Variants in TOX4 observed in about 807,000 individuals in gnomAD.
TOX4 encodes epidermal Langerhans cell protein LCP1.
In TOX4, 12 loss-of-function variants were observed where a neutral mutation model predicts 61.0. The observed-to-expected ratio is 0.20, with a 90% CI of 0.13 to 0.32. TOX4 has a LOEUF of 0.32. Among genes scored for constraint, TOX4 ranks in the 10% least tolerant of loss-of-function variants. The pLI is 1.00. For synonymous variants in TOX4, 268 were observed against 274.8 expected (o/e 0.98, Z 0.24); for missense variants, 499 against 753.3 (o/e 0.66, Z 3.95).
chr14:21,495,438 C>T (rs1300648077), intron 8 of TOX4, 46 bp downstream of exon 8: 7 of 1,573,676 alleles, frequency 4.4e-6, no homozygotes, highest in Non-Finnish European at 6.1e-6. Flanking sequence ...CTGGTCAATT[C>T]TACTGGGAAA....
chr14:21,481,791 T>A (rs10141933), intron 2 of TOX4, among the ~76,000 whole-genome samples: 139,719 of 152,232 alleles, frequency 0.92, 64,230 homozygotes, highest in Middle Eastern at 0.95. Flanking sequence ...TAAACAATAT[T>A]TTGTTGAGTA....
Position 21,496,750 on chromosome 14 carries a change from G to T in TOX4, c.*144G>T. On this transcript the variant is annotated 3_prime_UTR_variant, in exon 9 of 9. Transcript: ENST00000448790. ...ATGTTTCACCCCTTTTCTTCCTTCAGCAGAGGCCAGGCTATGGAGCAGGGC... is the reference window on the plus strand; with the variant it reads ...ATGTTTCACCCCTTTTCTTCCTTCATCAGAGGCCAGGCTATGGAGCAGGGC... 2 of 681,110 alleles carry T rather than the reference G, an allele frequency of 2.9e-6. No homozygotes were observed. 42.2% of individuals were successfully genotyped at this position (681,110 alleles called of 1,614,324 possible).
intron 2 of TOX4, 36 bp downstream of exon 2, chr14:21,477,600 C>A (rs1262881498): frequency 1.2e-6 from 2 of 1,610,834 alleles, no homozygotes; most frequent in Non-Finnish European, 1.7e-6. Flanking sequence ...GGGGTAGGGC[C>A]TGAGGCAGCG....
rs750578077 is a variant in TOX4, at chr14:21,493,226, T to C, written c.1610T>C (p.Ile537Thr). The C allele has an allele frequency of 3.8e-5, 61 of 1,613,090 alleles. No individual in the cohort carries two copies. The highest frequency in any genetic ancestry group is 5.2e-5 in the Non-Finnish European group (61 of 1,179,692). Residue 537 changes from isoleucine to threonine, a missense_variant, in exon 7 of 9, where the codon ATC becomes ACC. This residue lies in a region of TOX4 where 296 missense variants were observed against 404.7 expected (regional missense o/e 0.73). Transcript: ENST00000448790. ...GTGGAGGCACCTTCTCCTGAGACTA[T>C]CTGTGAGATGATCACAGATGTAGTT... The part of the protein sequence containing the change: ...HTVEAPSPET[I>T]CEMITDVVPE...
Position 21,477,277 on chromosome 14 carries a change from A to G in TOX4, c.-2A>G. 6.2e-7 allele frequency: 1 copy of G among 1,614,040 alleles called. No homozygotes were observed. The highest frequency in any genetic ancestry group is 8.5e-7 in the Non-Finnish European group (1 of 1,179,968). On this transcript the variant is annotated 5_prime_UTR_variant, in exon 1 of 9. Transcript: ENST00000448790. ...TGAGACGGTGGGAGCGGTTGTGTGA[A>G]GATGGAGGTAGGAACCTGATAGCTA...
At chr14:21,481,279 A>G (rs774729495) in intron 2 of TOX4, among the ~76,000 whole-genome samples, 1 of 152,040 alleles carries the variant, frequency 6.6e-6, no homozygotes, top group Non-Finnish European at 1.5e-5. Flanking sequence ...CTCACGTTCA[A>G]GCAACTCTCG....
At chr14:21,478,516 A>G (rs1254343569) in intron 2 of TOX4, among the ~76,000 whole-genome samples, 1 of 152,232 alleles carries the variant, frequency 6.6e-6, no homozygotes, top group South Asian at 2.1e-4. Flanking sequence ...GTTCGTTAAA[A>G]AAGTTTGGTT....
chr14:21,489,700 T>A (rs1473650358), intron 5 of TOX4, among the ~76,000 whole-genome samples: 1 of 151,942 alleles, frequency 6.6e-6, no homozygotes, highest in Admixed American at 6.5e-5. Context: ...TGCTTCAGCC[T>A]CCCGAGTAGC....
At chr14:21,482,088 G>A (rs1891116365) in intron 2 of TOX4, among the ~76,000 whole-genome samples, 1 of 152,168 alleles carries the variant, frequency 6.6e-6, no homozygotes, top group Non-Finnish European at 1.5e-5. Context: ...CAAAAGAGTA[G>A]CAGTCCAGAG....
At chr14:21,484,413 A>G (rs1891164110) in intron 2 of TOX4, among the ~76,000 whole-genome samples, 1 of 124,304 alleles carries the variant, frequency 8.0e-6, no homozygotes, top group African/African-American at 3.1e-5. Context: ...CAGTGGCACA[A>G]TCTCGGCTCA....
rs761737611 is a variant in TOX4 at position 21,496,635 on chromosome 14, G to A, written c.*29G>A. On this transcript the variant is annotated 3_prime_UTR_variant, in exon 9 of 9. Transcript: ENST00000448790. ...TTCCTGTTCTCCAAGCCAGTGAAGAGTTATCTGCTGGGAAAGTGTCCAAGA... is the reference window on the plus strand; with the variant it reads ...TTCCTGTTCTCCAAGCCAGTGAAGAATTATCTGCTGGGAAAGTGTCCAAGA... 6 of 1,597,216 alleles carry A rather than the reference G, an allele frequency of 3.8e-6. No individual in the cohort carries two copies. The highest frequency in any genetic ancestry group is 5.1e-6 in the Non-Finnish European group (6 of 1,166,946).
chr14:21,493,339 T>C lies in TOX4; in HGVS notation c.1641+82T>C, dbSNP rs1891335185. On this transcript the variant is annotated intron_variant, in intron 7 of 8. Coordinates refer to ENST00000448790, the MANE Select transcript of TOX4 (RefSeq NM_014828.4). ...TTGACCCAATAACAGTGGGGGTTGC[T>C]ACTAGCATTTAATGCCCAGCAACCA... The C allele has an allele frequency of 3.4e-6, 5 of 1,470,204 alleles. No homozygotes were observed. The South Asian group carries it at 7.0e-5, about 21-fold the overall frequency. 91.1% of individuals were successfully genotyped at this position (1,470,204 alleles called of 1,614,324 possible). A position where few individuals can be genotyped will look rare whatever the true frequency, so the allele number is the denominator to read the frequency against.
At chr14:21,481,628 TATGTTCACCAAAAAC>T (rs1226059523) in intron 2 of TOX4, among the ~76,000 whole-genome samples, 1 of 152,238 alleles carries the variant, frequency 6.6e-6, no homozygotes, top group Non-Finnish European at 1.5e-5. Flanking sequence ...AATGATTGCA[TATGTTCACCAAAAAC>T]ATGTTCACAA....
rs1317023801 is a variant in TOX4, at chr14:21,498,207, T to A, written c.*1601T>A. On this transcript the variant is annotated 3_prime_UTR_variant, in exon 9 of 9. Transcript: ENST00000448790. Reference sequence around the variant, plus strand: ...ATTGTACAAATATCACTCTTCAGGTTTAGCTTACAGAGCCATGGCTATGGA... The same window carrying A: ...ATTGTACAAATATCACTCTTCAGGTATAGCTTACAGAGCCATGGCTATGGA... The A allele has an allele frequency of 3.8e-6, 4 of 1,041,548 alleles. No homozygotes were observed. In the South Asian group the frequency reaches 5.1e-5, roughly 13 times the overall value. 64.5% of individuals were successfully genotyped at this position (1,041,548 alleles called of 1,614,324 possible).
At chr14:21,482,734 C>A in intron 2 of TOX4, 1 of 257,736 alleles carries the variant, frequency 3.9e-6, no homozygotes, top group South Asian at 3.9e-5. Context: ...TTATGTAATC[C>A]GCTAAAATAA....
At chr14:21,477,776 A>G (rs1316750423) in intron 2 of TOX4, among the ~76,000 whole-genome samples, 3 of 152,202 alleles carry the variant, frequency 2.0e-5, no homozygotes, top group Admixed American at 2.0e-4. Flanking sequence ...AGGTATTGGA[A>G]AGAGATAACC....
At position 21,482,646 on chromosome 14, in the gene TOX4, G is replaced by A. The variant is rs1349060624; in HGVS notation, c.76-4805G>A. ...TATCATGTTCCTGTTTTCTCTTTCT[G>A]TGTCCAAACCACTTCTTTTTAATAT... On this transcript the variant is annotated intron_variant, in intron 2 of 8. Coordinates refer to ENST00000448790, the MANE Select transcript of TOX4 (RefSeq NM_014828.4). 4 of 457,652 alleles carry A rather than the reference G, an allele frequency of 8.7e-6. No homozygotes were observed. In the East Asian group the frequency reaches 2.9e-4, roughly 33 times the overall value. The allele number at this position is 457,652 out of a possible 1,614,324, so 28.3% of individuals were successfully genotyped here.
chr14:21,490,801 A>G (rs184763729), intron 5 of TOX4, among the ~76,000 whole-genome samples: 3 of 152,318 alleles, frequency 2.0e-5, no homozygotes, highest in African/African-American at 7.2e-5. Flanking sequence ...TCTCAAATCC[A>G]CTACCAAGTT....
intron 2 of TOX4, among the ~76,000 whole-genome samples, chr14:21,484,219 T>G (rs1891157628): frequency 6.6e-6 from 1 of 152,066 alleles, no homozygotes; most frequent in Non-Finnish European, 1.5e-5. Context: ...ACATATATCT[T>G]TTTGTCTTTT....
Sources: gnomAD v4.1 joint callset for allele counts (sites outside exome capture counted in the v4.1 genomes callset) on GRCh38, gnomAD v4.1.1 for gene constraint, gnomAD v4.1.1 regional missense constraint, MANE v1.5 for transcripts, NCBI Gene and HGNC (gene_info 2026-07-23, HGNC 2026-07-21) for gene names.